Variants in SLC44A5 observed in about 807,000 individuals in gnomAD.
The protein encoded by SLC44A5 is choline transporter-like protein 5.
In SLC44A5, 57 loss-of-function variants were observed where a neutral mutation model predicts 101.8. That is an observed-to-expected ratio of 0.56 (90% CI 0.45 to 0.70). The LOEUF is 0.70. Ranked by LOEUF, SLC44A5 falls within the 30% of genes least tolerant of loss-of-function variation. The probability of loss-of-function intolerance (pLI) is 0.00; values close to 1 mark genes in which losing one functional copy is unlikely to be tolerated. For synonymous variants in SLC44A5, 281 were observed against 290.9 expected, an observed-to-expected ratio of 0.97 and a Z score of 0.35; for missense variants, 737 against 853.1, an observed-to-expected ratio of 0.86 and a Z score of 1.70.
chr1:75,433,653 T>G (rs919685099), intron 2 of SLC44A5, among the ~76,000 whole-genome samples: 5 of 152,188 alleles, frequency 3.3e-5, no homozygotes, highest in African/African-American at 4.8e-5. Flanking sequence ...TAGATCTGTC[T>G]TTCTAAATTC....
intron 6 of SLC44A5, among the ~76,000 whole-genome samples, chr1:75,260,169 C>T (rs1280228422): frequency 2.6e-5 from 4 of 152,144 alleles, no homozygotes; most frequent in Non-Finnish European, 5.9e-5. Context: ...ATCAAATTCA[C>T]ATATAACAAT....
At chr1:75,577,266 C>A (rs1413791074) in intron 1 of SLC44A5, among the ~76,000 whole-genome samples, 1 of 152,196 alleles carries the variant, frequency 6.6e-6, no homozygotes, top group East Asian at 1.9e-4. Flanking sequence ...TTAGAGGAAT[C>A]CTGTTAAAAT....
At position 75,428,180 on chromosome 1, in the gene SLC44A5, T is replaced by G. The variant is rs187573121; in HGVS notation, c.14-31559A>C. On this transcript the variant is annotated intron_variant, in intron 2 of 23. Coordinates refer to ENST00000370859, the MANE Select transcript of SLC44A5 (RefSeq NM_001130058.2). ...CTGTTGTTTTAAGCAACTGACATTT[T>G]GGGGGAGTGTTGTTACTAAAGCATA... Among the ~76,000 whole-genome samples the G allele has an allele frequency of 4.0e-3, 611 of 152,314 alleles. 4 individuals carry two copies. Among genetic ancestry groups the G allele is most frequent in the Non-Finnish European group, 6.2e-3 (421 of 68,026 alleles).
chr1:75,411,209 G>A (rs1270475940), intron 2 of SLC44A5, among the ~76,000 whole-genome samples: 1 of 152,064 alleles, frequency 6.6e-6, no homozygotes, highest in Non-Finnish European at 1.5e-5. Context: ...TCATTTCAAT[G>A]TATCAATTTA....
At chr1:75,392,741 T>C (rs1203424990) in intron 3 of SLC44A5, among the ~76,000 whole-genome samples, 1 of 152,104 alleles carries the variant, frequency 6.6e-6, no homozygotes, top group Non-Finnish European at 1.5e-5. Flanking sequence ...AGCAAAGATA[T>C]GGAATCAAAC....
intron 5 of SLC44A5, among the ~76,000 whole-genome samples, chr1:75,282,903 A>T (rs1485562046): frequency 6.6e-6 from 1 of 152,170 alleles, no homozygotes; most frequent in Non-Finnish European, 1.5e-5. Flanking sequence ...TGTTTTTATT[A>T]GCAGTGTGAG....
chr1:75,383,588 C>T lies in SLC44A5; in HGVS notation c.52+12995G>A, dbSNP rs1167997980. ...ACCAAATCTACGTCTGATTGGTGTA[C>T]CTGAAAGTGACGGGGAGAATGGAAC... is the stretch of plus-strand genomic sequence containing the variant. On this transcript the variant is annotated intron_variant, in intron 3 of 23. Coordinates refer to ENST00000370859, the MANE Select transcript of SLC44A5 (RefSeq NM_001130058.2). Among the ~76,000 whole-genome samples, 4 of 152,166 alleles carry T rather than the reference C, an allele frequency of 2.6e-5. No homozygotes were observed. The East Asian group carries it at 5.8e-4, about 22-fold the overall frequency.
chr1:75,307,787 G>A (rs1050102770), intron 4 of SLC44A5, among the ~76,000 whole-genome samples: 2 of 152,098 alleles, frequency 1.3e-5, no homozygotes, highest in African/African-American at 4.8e-5. Context: ...AGGTTATGCC[G>A]CACACCATTC....
the SLC44A5 span, among the ~76,000 whole-genome samples, chr1:75,657,311 G>A: frequency 6.6e-6 from 1 of 152,162 alleles, no homozygotes; most frequent in East Asian, 1.9e-4. Context: ...CACTTTTGGA[G>A]ATGAAGGTTG....
chr1:75,389,387 A>G (rs1285072354), intron 3 of SLC44A5, among the ~76,000 whole-genome samples: 1 of 152,238 alleles, frequency 6.6e-6, no homozygotes, highest in Non-Finnish European at 1.5e-5. Flanking sequence ...TCATGTGCAT[A>G]TGGAATATAG....
At chr1:75,526,462 T>G (rs529503522) in intron 2 of SLC44A5, among the ~76,000 whole-genome samples, 2 of 152,188 alleles carry the variant, frequency 1.3e-5, no homozygotes, top group African/African-American at 4.8e-5. Flanking sequence ...CACTTCCATC[T>G]TTGTCTACCC....
intron 3 of SLC44A5, among the ~76,000 whole-genome samples, chr1:75,370,616 C>A (rs1192771333): frequency 6.6e-6 from 1 of 152,134 alleles, no homozygotes; most frequent in Non-Finnish European, 1.5e-5. Context: ...CCAGAGCATT[C>A]CTAGCAGATA....
chr1:75,368,677 C>T (rs1336915045), intron 3 of SLC44A5, among the ~76,000 whole-genome samples: 1 of 149,984 alleles, frequency 6.7e-6, no homozygotes. Context: ...ACACACCACA[C>T]TCAAATTGGT....
the SLC44A5 span, among the ~76,000 whole-genome samples, chr1:75,668,156 T>C: frequency 6.6e-6 from 1 of 152,128 alleles, no homozygotes; most frequent in African/African-American, 2.4e-5. Flanking sequence ...CTATTAAAAA[T>C]TATAAATTTT....
chr1:75,219,750 G>A (rs1252161839), intron 15 of SLC44A5, 50 bp downstream of exon 15: 5 of 1,137,986 alleles, frequency 4.4e-6, no homozygotes, highest in Admixed American at 1.8e-5. Context: ...CCTGGTTCAC[G>A]AGTAGTCATG....
the SLC44A5 span, among the ~76,000 whole-genome samples, chr1:75,705,926 C>T: frequency 6.6e-6 from 1 of 152,206 alleles, no homozygotes; most frequent in Non-Finnish European, 1.5e-5. Context: ...AATCCTCCTG[C>T]CTTGGCCTCC....
At chr1:75,396,893 T>C (rs568422598) in intron 2 of SLC44A5, among the ~76,000 whole-genome samples, 5 of 152,184 alleles carry the variant, frequency 3.3e-5, no homozygotes, top group Non-Finnish European at 1.5e-5. Flanking sequence ...TTCTTCCATT[T>C]GCATCTATGA....
At chr1:75,633,553 T>C in the SLC44A5 span, among the ~76,000 whole-genome samples, 1 of 152,166 alleles carries the variant, frequency 6.6e-6, no homozygotes, top group African/African-American at 2.4e-5. Flanking sequence ...ATGCTTGTGA[T>C]TTTTGCACAT....
At chr1:75,678,703 G>T in the SLC44A5 span, among the ~76,000 whole-genome samples, 2 of 151,550 alleles carry the variant, frequency 1.3e-5, no homozygotes, top group Non-Finnish European at 2.9e-5. Context: ...AAATCAGAGC[G>T]CCTCTCCTCC....
Sources: gnomAD v4.1 joint callset for allele counts (sites outside exome capture counted in the v4.1 genomes callset) on GRCh38, gnomAD v4.1.1 for gene constraint, MANE v1.5 for transcripts, NCBI Gene and HGNC (gene_info 2026-07-23, HGNC 2026-07-21) for gene names.